The following RWDD4 variants were observed in gnomAD, a reference collection of about 807,000 sequenced individuals.
RWDD4 encodes RWD domain containing 4.
RWDD4 carries 16 observed loss-of-function variants against 30.0 expected under a neutral mutation model. That is an observed-to-expected ratio of 0.53 (90% confidence interval 0.36 to 0.81). RWDD4 has a LOEUF of 0.81. Among genes scored for constraint, RWDD4 ranks in the 30% least tolerant of loss-of-function variants. The pLI, the probability that RWDD4 is intolerant of heterozygous loss-of-function variation, is 0.00. For missense variants in RWDD4, 170 were observed against 223.9 expected (o/e 0.76, Z 1.54); for synonymous variants, 45 against 72.1 (o/e 0.62, Z 1.90).
At chr4:183,652,772 T>C (rs1325880037) in intron 2 of RWDD4, among the ~76,000 whole-genome samples, 1 of 147,072 alleles carries the variant, frequency 6.8e-6, no homozygotes, top group Non-Finnish European at 1.5e-5. Context: ...ATAGTGCCAC[T>C]GCACTACAGC....
chr4:183,655,357 C>T (rs556556269), intron 2 of RWDD4, among the ~76,000 whole-genome samples: 1 of 151,968 alleles, frequency 6.6e-6, no homozygotes, highest in South Asian at 2.1e-4. Context: ...TCTCGGCTCA[C>T]TGCAAGCTCT....
chr4:183,654,338 C>T (rs916883586), intron 2 of RWDD4, among the ~76,000 whole-genome samples: 1 of 152,120 alleles, frequency 6.6e-6, no homozygotes, highest in Admixed American at 6.6e-5. Context: ...TGTTGGAGGA[C>T]TCATGGTGGA....
chr4:183,658,917 C>T lies in RWDD4; in HGVS notation c.24+12G>A, dbSNP rs1281814713. On this transcript the variant is annotated intron_variant, in intron 1 of 7. Transcript: ENST00000326397. ...CCCGCGCTGGGAGAGGGCCCTGAGC[C>T]GGGGGGCTCACCTCCTGGTCCTCGT... is the stretch of plus-strand genomic sequence containing the variant. 2 of 1,265,648 alleles carry T rather than the reference C, an allele frequency of 1.6e-6. No individual in the cohort carries two copies. Among genetic ancestry groups the T allele is most frequent in the Admixed American group, 3.5e-5 (1 of 28,316 alleles). The allele number at this position is 1,265,648 out of a possible 1,614,324, so 78.4% of individuals were successfully genotyped here. A position where few individuals can be genotyped will look rare whatever the true frequency, so the allele number is the denominator to read the frequency against.
rs140644833 is a variant in RWDD4, at chr4:183,659,162, C to A, written c.-210G>T. ...TGGGCTGTGGGCTACGAGCCGGAGC[C>A]GCGGCTGGTGGGGCCTGGGAAGTGC... On this transcript the variant is annotated 5_prime_UTR_variant, in exon 1 of 8. Coordinates refer to ENST00000326397, the MANE Select transcript of RWDD4 (RefSeq NM_152682.4). 18,527 of 402,770 alleles carry A rather than the reference C, an allele frequency of 0.046. 544 individuals carry two copies. The highest frequency in any genetic ancestry group is 0.11 in the South Asian group (805 of 7,186). The allele number at this position is 402,770 out of a possible 1,614,324, so 24.9% of individuals were successfully genotyped here.
intron 7 of RWDD4, among the ~76,000 whole-genome samples, chr4:183,644,129 AAGAG>A (rs1221751727): frequency 1.3e-5 from 2 of 152,202 alleles, no homozygotes; most frequent in Non-Finnish European, 2.9e-5. Flanking sequence ...GAGCTGCACT[AAGAG>A]AGGCAACATT....
At chr4:183,653,485 C>T (rs1486601075) in intron 2 of RWDD4, 1 of 152,100 alleles carries the variant, frequency 6.6e-6, no homozygotes, top group Non-Finnish European at 1.5e-5. Context: ...CAACCTTTCA[C>T]CCAAAGGTTT....
intron 7 of RWDD4, among the ~76,000 whole-genome samples, chr4:183,643,896 C>T (rs1261692022): frequency 2.0e-5 from 3 of 152,132 alleles, no homozygotes; most frequent in African/African-American, 7.2e-5. Context: ...CCAGCCTGGG[C>T]AACAAGTGCG....
intron 7 of RWDD4, among the ~76,000 whole-genome samples, chr4:183,644,446 CA>C (rs1203058697): frequency 2.0e-5 from 3 of 152,202 alleles, no homozygotes; most frequent in African/African-American, 7.2e-5. Context: ...AAAATGCATT[CA>C]ATGGAACAAA....
intron 1 of RWDD4, among the ~76,000 whole-genome samples, chr4:183,658,170 G>GT (rs1229137210): frequency 1.3e-5 from 2 of 152,182 alleles, no homozygotes; most frequent in Non-Finnish European, 2.9e-5. Flanking sequence ...TGTAAAAGTA[G>GT]TAAGTTTCAA....
chr4:183,655,439 G>A (rs1734170304), intron 2 of RWDD4, among the ~76,000 whole-genome samples: 1 of 151,576 alleles, frequency 6.6e-6, no homozygotes, highest in African/African-American at 2.4e-5. Flanking sequence ...CCGCCACCAT[G>A]CCCGGCTAAT....
chr4:183,648,099 C>T (rs1347128115), intron 5 of RWDD4, among the ~76,000 whole-genome samples: 1 of 152,076 alleles, frequency 6.6e-6, no homozygotes, highest in African/African-American at 2.4e-5. Flanking sequence ...CAAAAATTAG[C>T]CAGGCATAGT....
At chr4:183,643,533 CA>C (rs1733911282) in intron 7 of RWDD4, among the ~76,000 whole-genome samples, 1 of 150,166 alleles carries the variant, frequency 6.7e-6, no homozygotes, top group Non-Finnish European at 1.5e-5. Flanking sequence ...AGGGACATCC[CA>C]GGGGTCCAAA....
chr4:183,642,185 A>AT (rs1009902870), intron 7 of RWDD4, among the ~76,000 whole-genome samples: 28,781 of 97,122 alleles, frequency 0.3, 7,281 homozygotes, highest in African/African-American at 0.35. Flanking sequence ...CATTCTTAAA[A>AT]TTTTTTTTTT....
chr4:183,656,807 C>T (rs969319067), intron 1 of RWDD4, among the ~76,000 whole-genome samples: 1 of 152,164 alleles, frequency 6.6e-6, no homozygotes, highest in Admixed American at 6.5e-5. Flanking sequence ...GGGCGGATCA[C>T]CTGAGGTCAG....
In RWDD4 at chr4:183,641,433, G is replaced by C; in HGVS notation, c.*3C>G. 3 of 1,602,974 alleles carry C rather than the reference G, an allele frequency of 1.9e-6. No homozygotes were observed. The highest frequency in any genetic ancestry group is 2.6e-6 in the Non-Finnish European group (3 of 1,172,012). On this transcript the variant is annotated 3_prime_UTR_variant, in exon 8 of 8. Transcript: ENST00000326397. ...GCTCTTTCCTTGTCTCAAATTCCAA[G>C]TGCTACTCATCATCCTTAGAGCCAG...
intron 1 of RWDD4, 136 bp downstream of exon 1, chr4:183,658,793 G>T: frequency 2.8e-6 from 2 of 711,342 alleles, no homozygotes; most frequent in South Asian, 7.2e-5. Flanking sequence ...GGACGCCGGT[G>T]AACTCGGGGC....
chr4:183,652,578 A>G (rs978631004), intron 2 of RWDD4, among the ~76,000 whole-genome samples: 1 of 152,082 alleles, frequency 6.6e-6, no homozygotes, highest in Non-Finnish European at 1.5e-5. Context: ...TTGGGAGGCC[A>G]AGGCGGGTAG....
At chr4:183,642,071 C>T (rs762299089) in intron 7 of RWDD4, among the ~76,000 whole-genome samples, 9 of 151,976 alleles carry the variant, frequency 5.9e-5, no homozygotes, top group East Asian at 1.9e-4. Flanking sequence ...GAAAGGCCAC[C>T]GCACCTGACA....
At chr4:183,652,672 T>C (rs980310979) in intron 2 of RWDD4, among the ~76,000 whole-genome samples, 1 of 151,948 alleles carries the variant, frequency 6.6e-6, no homozygotes, top group African/African-American at 2.4e-5. Flanking sequence ...TAGCTGGGCA[T>C]GGTGGCATGC....
Sources: allele counts gnomAD v4.1 joint callset (sites outside exome capture counted in the v4.1 genomes callset), GRCh38; gene constraint gnomAD v4.1.1; transcripts MANE v1.5; gene names NCBI Gene and HGNC (gene_info 2026-07-23, HGNC 2026-07-21).